The following DIAPH2 variants were observed in gnomAD, a reference collection of about 807,000 sequenced individuals.
The protein encoded by DIAPH2 is diaphanous related formin 2, also known as protein diaphanous homolog 2.
In DIAPH2, 35 loss-of-function variants were observed where a neutral mutation model predicts 92.7. The ratio of observed to expected loss-of-function variants is 0.38; its 90% confidence interval spans 0.29 to 0.50. DIAPH2 has a LOEUF of 0.50. Ranked by LOEUF, DIAPH2 falls within the 20% of genes least tolerant of loss-of-function variation. The probability of loss-of-function intolerance (pLI) is 0.94; values close to 1 mark genes in which losing one functional copy is unlikely to be tolerated. For synonymous variants in DIAPH2, 301 were observed against 280.4 expected (o/e 1.07, Z -0.73); for missense variants, 701 against 819.5 (o/e 0.86, Z 1.77).
intron 26 of DIAPH2, among the ~76,000 whole-genome samples, chrX:97,546,590 C>T (rs1245488516): frequency 8.9e-6 from 1 of 111,806 alleles, no homozygotes; most frequent in Non-Finnish European, 1.9e-5. Flanking sequence ...AATCCTGGCA[C>T]TTTGGGAGGC....
At chrX:97,293,316 T>C (rs1447954928) in intron 23 of DIAPH2, among the ~76,000 whole-genome samples, 3 of 92,059 alleles carry the variant, frequency 3.3e-5, no homozygotes, top group Non-Finnish European at 6.3e-5. Context: ...AGTGGCACAA[T>C]ATCTTGGCTC....
At chrX:96,885,321 C>A in intron 5 of DIAPH2, 1 of 332,347 alleles carries the variant, frequency 3.0e-6, no homozygotes, top group Non-Finnish European at 5.4e-6. Flanking sequence ...GATTTACTAG[C>A]AAGCTAATGG....
intron 23 of DIAPH2, among the ~76,000 whole-genome samples, chrX:97,281,601 G>A (rs2068497098): frequency 1.8e-5 from 2 of 109,868 alleles, no homozygotes; most frequent in Non-Finnish European, 1.9e-5. Flanking sequence ...AAAATTAGCC[G>A]GGCGTGGCAA....
intron 25 of DIAPH2, among the ~76,000 whole-genome samples, chrX:97,408,243 A>G (rs905572116): frequency 9.0e-6 from 1 of 111,595 alleles, no homozygotes; most frequent in African/African-American, 3.2e-5. Flanking sequence ...TGAAATTGGG[A>G]AAGCTATATT....
At chrX:97,379,413 A>G (rs2069532845) in intron 24 of DIAPH2, among the ~76,000 whole-genome samples, 1 of 112,255 alleles carries the variant, frequency 8.9e-6, no homozygotes, top group Admixed American at 9.5e-5. Context: ...CTACTATATA[A>G]TAAGCATTTC....
At chrX:97,090,976 T>C (rs1052452295) in intron 19 of DIAPH2, among the ~76,000 whole-genome samples, 4 of 111,655 alleles carry the variant, frequency 3.6e-5, no homozygotes, top group African/African-American at 1.3e-4. Context: ...CATATATGGA[T>C]GTGCCCCAAA....
chrX:97,239,935 G>A (rs1341985762), intron 22 of DIAPH2, among the ~76,000 whole-genome samples: 2 of 109,896 alleles, frequency 1.8e-5, no homozygotes, highest in Non-Finnish European at 3.8e-5. Context: ...TAGAAGTAGT[G>A]TAGGCAAAGA....
chrX:97,170,838 A>G (rs1396312558), intron 22 of DIAPH2, among the ~76,000 whole-genome samples: 1 of 110,986 alleles, frequency 9.0e-6, no homozygotes, highest in Non-Finnish European at 1.9e-5. Flanking sequence ...TACATTATAG[A>G]CATATTTACA....
chrX:97,529,172 G>C (rs774827332), intron 26 of DIAPH2: 18 of 111,711 alleles, frequency 1.6e-4, no homozygotes, highest in African/African-American at 5.2e-4. Flanking sequence ...TTGTTTTTCA[G>C]TCATGTTTTG....
intron 3 of DIAPH2, among the ~76,000 whole-genome samples, chrX:96,753,163 TC>T (rs2064204262): frequency 8.9e-6 from 1 of 112,008 alleles, no homozygotes; most frequent in Admixed American, 9.5e-5. Context: ...TTGTCACTGT[TC>T]CAGAGTTGAT....
At chrX:97,214,847 A>G (rs2067870691) in intron 22 of DIAPH2, among the ~76,000 whole-genome samples, 1 of 109,113 alleles carries the variant, frequency 9.2e-6, no homozygotes, top group African/African-American at 3.3e-5. Flanking sequence ...AAAAAAAAAA[A>G]AAAAAAAAAA....
intron 26 of DIAPH2, among the ~76,000 whole-genome samples, chrX:97,463,819 G>A (rs2070482588): frequency 8.9e-6 from 1 of 111,745 alleles, no homozygotes. Flanking sequence ...TGTAACTCCA[G>A]GGTCTGTGAT....
chrX:96,926,930 C>T (rs976977981), intron 9 of DIAPH2, among the ~76,000 whole-genome samples: 1 of 111,141 alleles, frequency 9.0e-6, no homozygotes, highest in African/African-American at 3.3e-5. Flanking sequence ...ATAGATATGG[C>T]GGACCATTTT....
intron 22 of DIAPH2, among the ~76,000 whole-genome samples, chrX:97,161,537 C>A (rs1390365825): frequency 9.1e-6 from 1 of 110,394 alleles, no homozygotes; most frequent in African/African-American, 3.3e-5. Flanking sequence ...AGTAGCTGGA[C>A]CCACAGGTAC....
intron 4 of DIAPH2, among the ~76,000 whole-genome samples, chrX:96,876,153 G>A (rs1180042368): frequency 5.4e-5 from 6 of 111,953 alleles, no homozygotes; most frequent in African/African-American, 1.9e-4. Context: ...ACAGACACAT[G>A]AAAAAATGCT....
rs905530949 is a variant in DIAPH2 at position 97,240,402 on chromosome X, C to T, written c.2720-7313C>T. Among the ~76,000 whole-genome samples, 3 of 110,799 alleles carry T rather than the reference C, an allele frequency of 2.7e-5. No individual in the cohort carries two copies. In the Admixed American group the frequency reaches 2.9e-4, roughly 11 times the overall value. On this transcript the variant is annotated intron_variant, in intron 22 of 26. Coordinates refer to ENST00000324765, the MANE Select transcript of DIAPH2 (RefSeq NM_006729.5). ...AGGGTGGATCACGAGGTCAGGAGAT[C>T]GAGACCATCCTGGCTAACACAGTGA...
At chrX:96,760,383 G>T (rs955960177) in intron 4 of DIAPH2, among the ~76,000 whole-genome samples, 2 of 111,261 alleles carry the variant, frequency 1.8e-5, no homozygotes, top group African/African-American at 6.5e-5. Flanking sequence ...AGACATGATA[G>T]TTACCACTAC....
chrX:97,443,595 C>T (rs998239588), intron 26 of DIAPH2, among the ~76,000 whole-genome samples: 4 of 111,988 alleles, frequency 3.6e-5, no homozygotes, highest in Non-Finnish European at 5.6e-5. Context: ...TATTCTACAT[C>T]ACTGTAAATG....
At chrX:96,831,969 G>C (rs1407569792) in intron 4 of DIAPH2, among the ~76,000 whole-genome samples, 4 of 111,449 alleles carry the variant, frequency 3.6e-5, no homozygotes, top group African/African-American at 1.3e-4. Flanking sequence ...GCCAAAATAA[G>C]TCACATAGCC....
Sources: allele counts gnomAD v4.1 joint callset (sites outside exome capture counted in the v4.1 genomes callset), GRCh38; gene constraint gnomAD v4.1.1; transcripts MANE v1.5; gene names NCBI Gene and HGNC (gene_info 2026-07-23, HGNC 2026-07-21).